The following SLC4A4 variants were observed in gnomAD, a reference collection of about 807,000 sequenced individuals.
SLC4A4 encodes electrogenic sodium bicarbonate cotransporter 1.
Under a neutral mutation model 111.5 loss-of-function variants are expected in SLC4A4, and 27 were observed. The observed-to-expected ratio is 0.24, with a 90% CI of 0.18 to 0.33. The LOEUF is 0.33. Ranked by LOEUF, SLC4A4 falls within the 10% of genes least tolerant of loss-of-function variation. SLC4A4 has a pLI of 1.00. For missense variants in SLC4A4, 909 were observed against 1,315.5 expected (o/e 0.69, Z 4.78); for synonymous variants, 443 against 463.4 (o/e 0.96, Z 0.57).
At chr4:71,391,335 C>T (rs1262100060) in intron 6 of SLC4A4, among the ~76,000 whole-genome samples, 1 of 152,034 alleles carries the variant, frequency 6.6e-6, no homozygotes, top group Non-Finnish European at 1.5e-5. Flanking sequence ...TCTCTATTGG[C>T]TCATTATGGA....
At position 71,067,988 on chromosome 4, in the gene SLC4A4, A is replaced by G. The variant is rs1470215583; in HGVS notation, c.-65+5200A>G. Among the ~76,000 whole-genome samples the G allele has an allele frequency of 4.6e-5, 7 of 151,230 alleles. No individual in the cohort carries two copies. In the South Asian group the frequency reaches 6.3e-4, roughly 14 times the overall value. On this transcript the variant is annotated intron_variant, in intron 1 of 26. Coordinates refer to the SLC4A4 transcript ENST00000649996. The stretch of plus-strand genomic sequence containing the variant: ...GGTCTCAAACTCCTGGCCTCAAGCA[A>G]TCCTCCTGCCTTCGCTTCCCATAGT...
intron 15 of SLC4A4, among the ~76,000 whole-genome samples, chr4:71,495,059 T>G (rs1237992575): frequency 6.6e-6 from 1 of 152,094 alleles, no homozygotes; most frequent in Non-Finnish European, 1.5e-5. Flanking sequence ...TATACTGAAG[T>G]CCTTAATGAA....
chr4:71,131,431 C>T (rs1578508953), intron 2 of SLC4A4, among the ~76,000 whole-genome samples: 2 of 152,260 alleles, frequency 1.3e-5, no homozygotes, highest in Middle Eastern at 6.8e-3. Flanking sequence ...ATTAAAGACC[C>T]ATTGTCTGTG....
rs542013659 is a variant in SLC4A4, at chr4:71,540,055, G to A, written c.2442+5667G>A. Among the ~76,000 whole-genome samples the A allele has an allele frequency of 1.2e-4, 18 of 152,186 alleles. No individual in the cohort carries two copies. The South Asian group carries it at 3.1e-3, about 26-fold the overall frequency. On this transcript the variant is annotated intron_variant, in intron 18 of 25. Coordinates refer to ENST00000264485, the MANE Select transcript of SLC4A4 (RefSeq NM_001098484.3). ...TTCATTATCTGTACTTTTTATTATC[G>A]TTTCCAAACCTCTTTGAATCTCTAT... is the stretch of plus-strand genomic sequence containing the variant.
chr4:71,506,929 G>C (rs1296033927), intron 16 of SLC4A4, among the ~76,000 whole-genome samples: 1 of 152,012 alleles, frequency 6.6e-6, no homozygotes, highest in Non-Finnish European at 1.5e-5. Context: ...GAAGAGATTG[G>C]GGGCCAATAT....
intron 5 of SLC4A4, among the ~76,000 whole-genome samples, chr4:71,353,389 T>C (rs543249290): frequency 6.6e-6 from 1 of 152,186 alleles, no homozygotes; most frequent in Admixed American, 6.5e-5. Flanking sequence ...AAATAACACA[T>C]CATAAGTAAA....
At chr4:71,320,029 G>A (rs1449389570) in intron 3 of SLC4A4, among the ~76,000 whole-genome samples, 2 of 151,924 alleles carry the variant, frequency 1.3e-5, no homozygotes, top group Non-Finnish European at 2.9e-5. Flanking sequence ...TGAGGATATA[G>A]GAATCAGCTG....
chr4:71,223,424 A>G (rs1463037284), intron 1 of SLC4A4, among the ~76,000 whole-genome samples: 1 of 152,050 alleles, frequency 6.6e-6, no homozygotes. Context: ...CGGCCTCCCA[A>G]AGTGCTGGTT....
In SLC4A4 at chr4:71,308,075, C is replaced by A. The variant is rs139749754; in HGVS notation, c.254-31295C>A. On this transcript the variant is annotated intron_variant, in intron 3 of 25. Coordinates refer to ENST00000264485, the MANE Select transcript of SLC4A4 (RefSeq NM_001098484.3). ...CCTTATCAAAGTATATAGGGCCATTCAGGATTTATCTACTATATACTCTTA... is the reference window on the plus strand; with the variant it reads ...CCTTATCAAAGTATATAGGGCCATTAAGGATTTATCTACTATATACTCTTA... 1.7e-3 allele frequency among the ~76,000 whole-genome samples: 258 copies of A among 152,190 alleles called. 2 individuals carry two copies. Among genetic ancestry groups the A allele is most frequent in the African/African-American group, 6.0e-3 (251 of 41,512 alleles).
intron 2 of SLC4A4, among the ~76,000 whole-genome samples, chr4:71,162,367 A>G (rs941943904): frequency 6.6e-6 from 1 of 152,224 alleles, no homozygotes; most frequent in African/African-American, 2.4e-5. Context: ...CTCTTGCCAC[A>G]AAGTGTAATA....
chr4:71,312,389 A>G (rs1726268588), intron 3 of SLC4A4, among the ~76,000 whole-genome samples: 1 of 152,210 alleles, frequency 6.6e-6, no homozygotes, highest in Non-Finnish European at 1.5e-5. Context: ...TACAAACAAT[A>G]GAAGAAGAGG....
intron 2 of SLC4A4, among the ~76,000 whole-genome samples, chr4:71,097,518 A>G (rs929065998): frequency 2.0e-5 from 3 of 152,130 alleles, no homozygotes; most frequent in African/African-American, 7.2e-5. Flanking sequence ...AGAATAATTT[A>G]TATTTCTCTG....
intron 2 of SLC4A4, among the ~76,000 whole-genome samples, chr4:71,166,816 A>C (rs548811431): frequency 6.6e-6 from 1 of 152,328 alleles, no homozygotes; most frequent in South Asian, 2.1e-4. Context: ...TCATTTGGGT[A>C]AGTGAAATGA....
At chr4:71,128,493 A>G (rs1388824907) in intron 2 of SLC4A4, among the ~76,000 whole-genome samples, 1 of 152,102 alleles carries the variant, frequency 6.6e-6, no homozygotes, top group Non-Finnish European at 1.5e-5. Flanking sequence ...TATCAAAGAC[A>G]GTCAATTTTT....
At chr4:71,074,156 A>G (rs1698384518) in intron 1 of SLC4A4, among the ~76,000 whole-genome samples, 1 of 152,220 alleles carries the variant, frequency 6.6e-6, no homozygotes, top group Admixed American at 6.5e-5. Flanking sequence ...TAAAAAGTTT[A>G]GTGACATCAT....
rs144171639 is a variant in SLC4A4 at position 71,407,442 on chromosome 4, C to T, written c.807+9789C>T. ...TAGCTGATTATTCACACCGAATAAA[C>T]TGTGGTGCTGACAGTGAAGTGCAGC... On this transcript the variant is annotated intron_variant, in intron 7 of 25. Coordinates refer to ENST00000264485, the MANE Select transcript of SLC4A4 (RefSeq NM_001098484.3). 3.9e-3 allele frequency among the ~76,000 whole-genome samples: 592 copies of T among 152,272 alleles called. 4 individuals are homozygous for T. Among genetic ancestry groups the T allele is most frequent in the African/African-American group, 0.014 (570 of 41,562 alleles).
intron 3 of SLC4A4, among the ~76,000 whole-genome samples, chr4:71,307,759 A>G (rs1725808890): frequency 6.6e-6 from 1 of 152,204 alleles, no homozygotes; most frequent in African/African-American, 2.4e-5. Context: ...CCTTTGAAAC[A>G]AGGTTGCCTA....
intron 6 of SLC4A4, among the ~76,000 whole-genome samples, chr4:71,370,877 A>G (rs761708148): frequency 1.3e-5 from 2 of 152,206 alleles, no homozygotes; most frequent in African/African-American, 2.4e-5. Context: ...GCTATTTGGA[A>G]ATCAACTTGA....
intron 1 of SLC4A4, among the ~76,000 whole-genome samples, chr4:71,083,711 A>G (rs549083359): frequency 5.9e-5 from 9 of 151,776 alleles, no homozygotes; most frequent in African/African-American, 2.2e-4. Context: ...GGGGTAAGAC[A>G]ATCCATGCTT....
Sources: gnomAD v4.1 joint callset for allele counts (sites outside exome capture counted in the v4.1 genomes callset) on GRCh38, gnomAD v4.1.1 for gene constraint, MANE v1.5 for transcripts, NCBI Gene and HGNC (gene_info 2026-07-23, HGNC 2026-07-21) for gene names.